The following GABRB2 variants were observed in gnomAD, a reference collection of about 807,000 sequenced individuals.
GABRB2 encodes the protein gamma-aminobutyric acid receptor subunit beta-2.
In GABRB2, 16 loss-of-function variants were observed where a neutral mutation model predicts 54.7. The observed-to-expected ratio is 0.29, with a 90% CI of 0.20 to 0.44. The LOEUF is 0.44. GABRB2 is among the 20% of genes least tolerant of loss of function. The pLI is 1.00. For synonymous variants in GABRB2, 244 were observed against 233.8 expected, an observed-to-expected ratio of 1.04 and a Z score of -0.40; for missense variants, 355 against 644.0, an observed-to-expected ratio of 0.55 and a Z score of 4.86.
intron 3 of GABRB2, among the ~76,000 whole-genome samples, chr5:161,537,614 C>T (rs1760679663): frequency 6.6e-6 from 1 of 152,114 alleles, no homozygotes; most frequent in African/African-American, 2.4e-5. Flanking sequence ...TCACATCTTC[C>T]TGAAATTTTG....
At chr5:161,339,401 T>C (rs920779094) in intron 5 of GABRB2, among the ~76,000 whole-genome samples, 5 of 152,076 alleles carry the variant, frequency 3.3e-5, no homozygotes, top group African/African-American at 7.2e-5. Flanking sequence ...CTAAAGCCTC[T>C]ACTTCAGGGA....
At chr5:161,506,177 A>C (rs956113085) in intron 3 of GABRB2, among the ~76,000 whole-genome samples, 1 of 152,148 alleles carries the variant, frequency 6.6e-6, no homozygotes, top group Non-Finnish European at 1.5e-5. Context: ...TTATAAAAAC[A>C]CTAAAAATTC....
Position 161,336,839 on chromosome 5 carries a change from GA to G in GABRB2, c.542-71del, listed in dbSNP as rs887092433. On this transcript the variant is annotated intron_variant, in intron 5 of 9. Coordinates refer to ENST00000393959, the MANE Select transcript of GABRB2 (RefSeq NM_001371727.1). Reference sequence around the variant, plus strand: ...CAAAAAAAAAAAAACAGACAAAACAGAAAAAAATACCTGTTTAGAAGATGAC... The same window carrying G: ...CAAAAAAAAAAAAACAGACAAAACAGAAAAAATACCTGTTTAGAAGATGAC... 2.8e-5 allele frequency: 41 copies of G among 1,477,922 alleles called. No individual in the cohort carries two copies. In the South Asian group the frequency reaches 4.7e-4, roughly 17 times the overall value. The allele number at this position is 1,477,922 out of a possible 1,614,324, so 91.6% of individuals were successfully genotyped here.
At chr5:161,315,479 A>G (rs1216020349) in intron 9 of GABRB2, among the ~76,000 whole-genome samples, 1 of 152,140 alleles carries the variant, frequency 6.6e-6, no homozygotes, top group Non-Finnish European at 1.5e-5. Context: ...TGGGGATTAT[A>G]TCTACCTTCT....
rs773584559 is a variant in GABRB2, at chr5:161,546,439, G to A, written c.78-26C>T. The A allele has an allele frequency of 5.9e-5, 94 of 1,603,212 alleles. 1 individual carries two copies. In the Admixed American group the frequency reaches 1.0e-3, roughly 17 times the overall value. On this transcript the variant is annotated intron_variant, in intron 1 of 9. Coordinates refer to ENST00000393959, the MANE Select transcript of GABRB2 (RefSeq NM_001371727.1). ...CTAAAGAAAGAAATGACAATAAGCA[G>A]GCATCAATAAGGAAGCAGGCATAGC...
intron 5 of GABRB2, among the ~76,000 whole-genome samples, chr5:161,385,019 A>T (rs140327643): frequency 2.0e-5 from 3 of 152,134 alleles, no homozygotes; most frequent in Non-Finnish European, 2.9e-5. Flanking sequence ...CTTTTCCAAG[A>T]CCACAGCCCA....
intron 3 of GABRB2, among the ~76,000 whole-genome samples, chr5:161,472,756 C>A (rs1581014846): frequency 6.6e-6 from 1 of 152,036 alleles, no homozygotes; most frequent in Non-Finnish European, 1.5e-5. Flanking sequence ...TGTGCTCATT[C>A]AGAAATAATT....
rs553230865 is a variant in GABRB2, at chr5:161,445,618, C to T, written c.458+14006G>A. ...ACATTTACAATTTTCTCTCTGAAAG[C>T]TGCTATCTGGAGGCTTCATCTGCAT... On this transcript the variant is annotated intron_variant, in intron 4 of 9. Coordinates refer to ENST00000393959, the MANE Select transcript of GABRB2 (RefSeq NM_001371727.1). 5.3e-5 allele frequency among the ~76,000 whole-genome samples: 8 copies of T among 152,252 alleles called. No homozygotes were observed. The East Asian group carries it at 1.4e-3, about 26-fold the overall frequency.
rs1052260862 is a variant in GABRB2 at position 161,546,615 on chromosome 5, A to C, written c.29T>G (p.Phe10Cys). The change falls in exon 1 of 10, where the codon TTT (phenylalanine) becomes TGT (cysteine). Residue 10 changes from phenylalanine (F) to cysteine (C), a missense_variant. Phe to Cys is a radical substitution (Grantham distance 205). Around this residue, in one of 6 missense-constraint regions of GABRB2, gnomAD observed 42 missense variants for 43.0 expected, o/e 0.98. Coordinates refer to ENST00000393959, the MANE Select transcript of GABRB2 (RefSeq NM_001371727.1). MWRVRKRGY[F>C]GIWSFPLIIA... ...TATTAAGGGGAAGGACCAAATCCCA[A>C]AGTAGCCCCTTTTCCGCACTCTCCA... is the stretch of plus-strand genomic sequence containing the variant. 3 of 1,600,594 alleles carry C rather than the reference A, an allele frequency of 1.9e-6. No homozygotes were observed. Among genetic ancestry groups the C allele is most frequent in the Non-Finnish European group, 2.6e-6 (3 of 1,173,110 alleles).
chr5:161,438,422 A>C (rs1035841246), intron 4 of GABRB2, among the ~76,000 whole-genome samples: 4 of 152,302 alleles, frequency 2.6e-5, no homozygotes, highest in African/African-American at 7.2e-5. Context: ...TCCCCAAGAG[A>C]GACAGCTACA....
chr5:161,348,136 C>T (rs1472405230), intron 5 of GABRB2, among the ~76,000 whole-genome samples: 1 of 151,988 alleles, frequency 6.6e-6, no homozygotes, highest in Admixed American at 6.6e-5. Context: ...AATTTTTGGT[C>T]TTAGAATCCC....
At chr5:161,547,222 C>T (rs1321385875), upstream of GABRB2, 1 of 26,304 alleles carries the variant, frequency 3.8e-5, no homozygotes, top group Non-Finnish European at 7.1e-5. Context: ...GGTTGTGCAG[C>T]GGGTGGGAGG....
intron 3 of GABRB2, among the ~76,000 whole-genome samples, chr5:161,479,946 A>G (rs1758708564): frequency 6.6e-6 from 1 of 152,084 alleles, no homozygotes; most frequent in African/African-American, 2.4e-5. Context: ...CAAATTTAGT[A>G]TCTTATACTA....
chr5:161,493,649 A>T (rs2113358805), intron 3 of GABRB2, among the ~76,000 whole-genome samples: 1 of 151,870 alleles, frequency 6.6e-6, no homozygotes, highest in African/African-American at 2.4e-5. Flanking sequence ...ACAAAGTAAG[A>T]AAGTGTATAT....
intron 5 of GABRB2, among the ~76,000 whole-genome samples, chr5:161,403,368 A>G (rs759941617): frequency 6.6e-6 from 1 of 152,150 alleles, no homozygotes; most frequent in African/African-American, 2.4e-5. Context: ...GACTGGTGAC[A>G]TGCCCAGATC....
intron 7 of GABRB2, among the ~76,000 whole-genome samples, chr5:161,334,285 T>C (rs1475105380): frequency 1.3e-5 from 2 of 152,210 alleles, no homozygotes; most frequent in Non-Finnish European, 2.9e-5. Context: ...TTCTCAATAT[T>C]CTTACTTTGT....
chr5:161,454,201 G>A (rs144181184), intron 4 of GABRB2, among the ~76,000 whole-genome samples: 1 of 152,096 alleles, frequency 6.6e-6, no homozygotes, highest in Admixed American at 6.6e-5. Context: ...ATTATTGAAG[G>A]CATGCTACAA....
rs1757206189 is a variant in GABRB2 at position 161,290,463 on chromosome 5, T to A, written c.*3618A>T. 1 of 152,572 alleles carries A rather than the reference T, an allele frequency of 6.6e-6. No homozygotes were observed. The highest frequency in any genetic ancestry group is 2.4e-5 in the African/African-American group (1 of 41,440). 9.5% of individuals were successfully genotyped at this position (152,572 alleles called of 1,614,324 possible). ...AATGGTTCATAAAAACTGTAGGCAT[T>A]GATTTGCTGATAGAGAAATGCTCAG... On this transcript the variant is annotated 3_prime_UTR_variant, in exon 10 of 10. Coordinates refer to ENST00000393959, the MANE Select transcript of GABRB2 (RefSeq NM_001371727.1).
At chr5:161,471,117 T>A (rs1758427311) in intron 3 of GABRB2, among the ~76,000 whole-genome samples, 1 of 151,986 alleles carries the variant, frequency 6.6e-6, no homozygotes. Context: ...ACTGGTGATC[T>A]CTCAGTGTTT....
Sources: gnomAD v4.1 joint callset for allele counts (sites outside exome capture counted in the v4.1 genomes callset) on GRCh38, gnomAD v4.1.1 for gene constraint, gnomAD v4.1.1 regional missense constraint, MANE v1.5 for transcripts, NCBI Gene and HGNC (gene_info 2026-07-23, HGNC 2026-07-21) for gene names.